The following GABRA2 variants were observed in gnomAD, a reference collection of about 807,000 sequenced individuals.
GABRA2 encodes the protein gamma-aminobutyric acid receptor subunit alpha-2.
In GABRA2, 16 loss-of-function variants were observed where a neutral mutation model predicts 48.7. The ratio of observed to expected loss-of-function variants is 0.33; its 90% CI spans 0.22 to 0.50. The LOEUF (loss-of-function observed/expected upper bound fraction) is 0.50. GABRA2 is among the 20% of genes least tolerant of loss of function. The probability of loss-of-function intolerance (pLI) is 0.98; values close to 1 mark genes in which losing one functional copy is unlikely to be tolerated. For missense variants in GABRA2, 275 were observed against 535.6 expected (o/e 0.51, Z 4.80); for synonymous variants, 185 against 184.5 (o/e 1.00, Z -0.02).
At chr4:46,303,252 A>G in intron 8 of GABRA2, 1 of 529,476 alleles carries the variant, frequency 1.9e-6, no homozygotes, top group South Asian at 2.8e-5. Context: ...TTTTAAGAAT[A>G]TTTGAGTACT....
intron 3 of GABRA2, among the ~76,000 whole-genome samples, chr4:46,333,390 G>A (rs1478899854): frequency 3.9e-5 from 6 of 151,980 alleles, no homozygotes; most frequent in Middle Eastern, 3.5e-3. Context: ...TTTTAAATAA[G>A]CCAAATAGTG....
At chr4:46,317,456 T>A (rs1728733259) in intron 4 of GABRA2, among the ~76,000 whole-genome samples, 1 of 151,714 alleles carries the variant, frequency 6.6e-6, no homozygotes. Flanking sequence ...AGAGTAAGAA[T>A]GTAAATAAGT....
intron 2 of GABRA2, chr4:46,386,729 G>A (rs1266203291): frequency 2.0e-5 from 3 of 153,542 alleles, no homozygotes; most frequent in South Asian, 2.0e-4. Context: ...TCCACCCAAT[G>A]GCCAAGTGCA....
rs745474402 is a variant in GABRA2 at position 46,261,916 on chromosome 4, T to C, written c.1059+10A>G. On this transcript the variant is annotated intron_variant, in intron 9 of 9. Transcript: ENST00000381620. The stretch of plus-strand genomic sequence containing the variant: ...TTCTTAATAATGATAACACGGAAGC[T>C]CTCACTTACCTTGTCATTTACTACA... 9 of 1,607,702 alleles carry C rather than the reference T, an allele frequency of 5.6e-6. No homozygotes were observed. The Admixed American group carries it at 1.5e-4, about 27-fold the overall frequency.
intron 4 of GABRA2, among the ~76,000 whole-genome samples, chr4:46,324,546 T>A (rs1397860024): frequency 6.6e-6 from 1 of 151,874 alleles, no homozygotes; most frequent in Non-Finnish European, 1.5e-5. Context: ...GAAATCACAG[T>A]TGTTTATTAT....
chr4:46,356,467 C>A (rs919978553), intron 3 of GABRA2, among the ~76,000 whole-genome samples: 1 of 149,294 alleles, frequency 6.7e-6, no homozygotes, highest in Admixed American at 6.7e-5. Flanking sequence ...TGTTTTACAG[C>A]TTCCCACATG....
At chr4:46,337,301 G>A (rs1482667119) in intron 3 of GABRA2, among the ~76,000 whole-genome samples, 1 of 151,980 alleles carries the variant, frequency 6.6e-6, no homozygotes, top group Non-Finnish European at 1.5e-5. Context: ...ATCCAACAAA[G>A]AGCAAAGTAA....
intron 8 of GABRA2, among the ~76,000 whole-genome samples, chr4:46,299,868 T>G (rs1248788597): frequency 6.6e-6 from 1 of 151,798 alleles, no homozygotes; most frequent in Non-Finnish European, 1.5e-5. Flanking sequence ...AAGCTCTGCT[T>G]TAAGGTCTTA....
intron 8 of GABRA2, among the ~76,000 whole-genome samples, chr4:46,279,651 G>T (rs576703035): frequency 2.6e-5 from 4 of 152,014 alleles, no homozygotes; most frequent in African/African-American, 7.2e-5. Context: ...ATATTTCACA[G>T]TAAAGTTTTA....
At chr4:46,283,966 A>T (rs1722032668) in intron 8 of GABRA2, among the ~76,000 whole-genome samples, 1 of 151,584 alleles carries the variant, frequency 6.6e-6, no homozygotes, top group African/African-American at 2.4e-5. Flanking sequence ...TCACCGTGTT[A>T]GCCAGGATGG....
chr4:46,351,701 C>T (rs1392945597), intron 3 of GABRA2, among the ~76,000 whole-genome samples: 2 of 151,854 alleles, frequency 1.3e-5, no homozygotes, highest in African/African-American at 4.8e-5. Flanking sequence ...AAATGAAAAG[C>T]TGTATTTACT....
chr4:46,345,569 C>G (rs1348885443), intron 3 of GABRA2, among the ~76,000 whole-genome samples: 1 of 151,816 alleles, frequency 6.6e-6, no homozygotes, highest in Non-Finnish European at 1.5e-5. Flanking sequence ...AAGGCATGTT[C>G]CACGTCACTC....
At chr4:46,255,001 G>A (rs1015566318) in intron 9 of GABRA2, among the ~76,000 whole-genome samples, 3 of 151,442 alleles carry the variant, frequency 2.0e-5, no homozygotes, top group Non-Finnish European at 3.0e-5. Context: ...GAGTCACATC[G>A]ACCAAGACAA....
intron 8 of GABRA2, among the ~76,000 whole-genome samples, chr4:46,273,377 C>T (rs1010201488): frequency 9.1e-6 from 1 of 109,504 alleles, no homozygotes; most frequent in African/African-American, 3.0e-5. Flanking sequence ...TCTCTCTCTC[C>T]CTCTGTGTGT....
chr4:46,284,681 C>T (rs920639448), intron 8 of GABRA2, among the ~76,000 whole-genome samples: 8 of 152,060 alleles, frequency 5.3e-5, no homozygotes, highest in African/African-American at 1.9e-4. Flanking sequence ...AACTTCTCTG[C>T]CTACTGTCTT....
In GABRA2 at chr4:46,244,125, G is replaced by A. The variant is rs1390028696; in HGVS notation, c.*6183C>T. The A allele has an allele frequency of 6.6e-6, 1 of 151,492 alleles. No individual in the cohort carries two copies. The highest frequency in any genetic ancestry group is 2.0e-4 in the East Asian group (1 of 5,112). 9.4% of individuals were successfully genotyped at this position (151,492 alleles called of 1,614,324 possible). A position where few individuals can be genotyped will look rare whatever the true frequency, so the allele number is the denominator to read the frequency against. On this transcript the variant is annotated 3_prime_UTR_variant, in exon 10 of 10. Coordinates refer to ENST00000381620, the MANE Select transcript of GABRA2 (RefSeq NM_000807.4). Reference sequence around the variant, plus strand: ...TAAGGACTTAACTGTGGATGGTAAAGTTTAATTCATGAGAATTGTGGCTCA... The same window carrying A: ...TAAGGACTTAACTGTGGATGGTAAAATTTAATTCATGAGAATTGTGGCTCA...
intron 8 of GABRA2, 144 bp downstream of exon 8, chr4:46,303,297 ACTATGTTACCACTCTGAGC>A (rs776164504): frequency 9.2e-6 from 6 of 651,808 alleles, no homozygotes; most frequent in Non-Finnish European, 1.6e-5. Context: ...ACAGTGTAGC[ACTATGTTACCACTCTGAGC>A]CTACTTCTTC....
intron 8 of GABRA2, among the ~76,000 whole-genome samples, chr4:46,284,011 A>T (rs1722040017): frequency 6.6e-6 from 1 of 151,128 alleles, no homozygotes; most frequent in South Asian, 2.1e-4. Flanking sequence ...TGCCCACCTC[A>T]GCCTCCCAAA....
chr4:46,330,577 T>TAC (rs1214342569), intron 4 of GABRA2, among the ~76,000 whole-genome samples: 1 of 122,742 alleles, frequency 8.1e-6, no homozygotes, highest in Non-Finnish European at 1.8e-5. Context: ...TATATATATA[T>TAC]ATATATATAT....
Sources: gnomAD v4.1 joint callset for allele counts (sites outside exome capture counted in the v4.1 genomes callset) on GRCh38, gnomAD v4.1.1 for gene constraint, MANE v1.5 for transcripts, NCBI Gene and HGNC (gene_info 2026-07-23, HGNC 2026-07-21) for gene names.